The following MKLN1 variants were observed in gnomAD, a reference collection of about 807,000 sequenced individuals.
MKLN1 encodes muskelin 1.
Under a neutral mutation model 99.0 loss-of-function variants are expected in MKLN1, and 18 were observed. The observed-to-expected ratio is 0.18, with a 90% CI of 0.13 to 0.27. The LOEUF (loss-of-function observed/expected upper bound fraction) is 0.27. Ranked by LOEUF, MKLN1 falls within the 10% of genes least tolerant of loss-of-function variation. The probability of loss-of-function intolerance (pLI) is 1.00; values close to 1 mark genes in which losing one functional copy is unlikely to be tolerated. For synonymous variants in MKLN1, 288 were observed against 293.2 expected (o/e 0.98, Z 0.18); for missense variants, 621 against 875.9 (o/e 0.71, Z 3.67).
chr7:131,429,742 C>T (rs775578152), intron 9 of MKLN1, among the ~76,000 whole-genome samples: 10 of 152,146 alleles, frequency 6.6e-5, no homozygotes, highest in Admixed American at 1.3e-4. Context: ...CCACGCCCAG[C>T]GAATTTTTTT....
chr7:131,455,619 GTTAAGGT>G (rs1354066531), intron 12 of MKLN1, among the ~76,000 whole-genome samples: 1 of 152,108 alleles, frequency 6.6e-6, no homozygotes, highest in Non-Finnish European at 1.5e-5. Flanking sequence ...TTCTAAACTG[GTTAAGGT>G]TAAAGACTGG....
intron 2 of MKLN1, among the ~76,000 whole-genome samples, chr7:131,170,551 T>C (rs756354892): frequency 7.9e-5 from 12 of 152,244 alleles, no homozygotes; most frequent in Non-Finnish European, 1.6e-4. Flanking sequence ...TTTAAAAGTC[T>C]GAAACATCTG....
intron 2 of MKLN1, among the ~76,000 whole-genome samples, chr7:131,145,058 T>C (rs1268222147): frequency 6.6e-6 from 1 of 152,280 alleles, no homozygotes; most frequent in African/African-American, 2.4e-5. Flanking sequence ...AGGGATCTAA[T>C]GAAAATCTGC....
intron 1 of MKLN1, among the ~76,000 whole-genome samples, chr7:131,372,999 A>G (rs1039174622): frequency 6.6e-6 from 1 of 151,540 alleles, no homozygotes; most frequent in African/African-American, 2.4e-5. Flanking sequence ...ATAATGGTTT[A>G]TACATAGAAA....
At chr7:131,300,309 G>T (rs1229639799) in intron 3 of MKLN1, among the ~76,000 whole-genome samples, 1 of 151,418 alleles carries the variant, frequency 6.6e-6, no homozygotes, top group Non-Finnish European at 1.5e-5. Context: ...AGAGGAAGGG[G>T]AAGAGAAAAA....
chr7:131,287,439 G>A (rs2116591929), intron 3 of MKLN1, among the ~76,000 whole-genome samples: 1 of 152,242 alleles, frequency 6.6e-6, no homozygotes, highest in Non-Finnish European at 1.5e-5. Flanking sequence ...CTTGGCTTGT[G>A]GCCACTCCTC....
At chr7:131,335,681 T>C (rs2116707815) in intron 1 of MKLN1, among the ~76,000 whole-genome samples, 1 of 143,114 alleles carries the variant, frequency 7.0e-6, no homozygotes, top group East Asian at 2.0e-4. Context: ...TTTGGCTTAT[T>C]CTTTGACCTG....
In MKLN1 at chr7:131,140,782, T is replaced by TG. The variant is rs532130637; in HGVS notation, c.-418-2038_-418-2037insG. ...TGAACTAACACACCATCCTTTTTTT[T>TG]TTTGTTTTGTTTTCTGAGACAGAGT... On this transcript the variant is annotated intron_variant, in intron 1 of 7. Coordinates refer to the MKLN1 transcript ENST00000416992. Among the ~76,000 whole-genome samples, 46 of 148,962 alleles carry TG rather than the reference T, an allele frequency of 3.1e-4. 1 individual carries two copies. The highest frequency in any genetic ancestry group is 2.6e-3 in the East Asian group (10 of 3,864).
intron 3 of MKLN1, among the ~76,000 whole-genome samples, chr7:131,211,936 T>C (rs1335293702): frequency 1.3e-5 from 2 of 152,196 alleles, no homozygotes; most frequent in African/African-American, 4.8e-5. Context: ...GAGTATTGAA[T>C]GGTCTTACAG....
At chr7:131,416,263 A>G (rs1795012188) in intron 8 of MKLN1, among the ~76,000 whole-genome samples, 1 of 152,238 alleles carries the variant, frequency 6.6e-6, no homozygotes, top group Admixed American at 6.5e-5. Flanking sequence ...AGGCAGAAGG[A>G]ATTTTCATAG....
intron 8 of MKLN1, among the ~76,000 whole-genome samples, chr7:131,415,862 A>C (rs1795002664): frequency 6.6e-6 from 1 of 152,200 alleles, no homozygotes; most frequent in Non-Finnish European, 1.5e-5. Flanking sequence ...TCTACACAGT[A>C]GCTTCCCCTT....
intron 2 of MKLN1, among the ~76,000 whole-genome samples, chr7:131,153,032 TA>T (rs200858887): frequency 2.7e-4 from 38 of 141,606 alleles, no homozygotes; most frequent in African/African-American, 8.2e-4. Context: ...TATATATATA[TA>T]TTTTTTTTTT....
At chr7:131,289,574 A>C (rs1425814606) in intron 3 of MKLN1, among the ~76,000 whole-genome samples, 4 of 152,234 alleles carry the variant, frequency 2.6e-5, no homozygotes, top group Non-Finnish European at 5.9e-5. Context: ...GCAGCACAGC[A>C]TACTTTAGTG....
intron 1 of MKLN1, among the ~76,000 whole-genome samples, chr7:131,361,020 T>C (rs1221874332): frequency 6.6e-6 from 1 of 152,110 alleles, no homozygotes; most frequent in Non-Finnish European, 1.5e-5. Flanking sequence ...TCCAATGTAA[T>C]TCTTCTCCTT....
chr7:131,328,584 G>A (rs1798968093), intron 1 of MKLN1, among the ~76,000 whole-genome samples: 1 of 152,174 alleles, frequency 6.6e-6, no homozygotes, highest in African/African-American at 2.4e-5. Flanking sequence ...ATTGGCAGAC[G>A]TTGTCTTTAA....
intron 3 of MKLN1, among the ~76,000 whole-genome samples, chr7:131,257,407 A>G (rs201929621): frequency 1.3e-5 from 2 of 152,252 alleles, no homozygotes; most frequent in African/African-American, 4.8e-5. Context: ...AAAATGAATG[A>G]TAATGAAAGC....
chr7:131,397,909 A>G (rs1052253171), intron 5 of MKLN1, among the ~76,000 whole-genome samples: 6 of 152,204 alleles, frequency 3.9e-5, no homozygotes, highest in African/African-American at 9.6e-5. Context: ...ATATTGTTAC[A>G]TGGTAGTTAT....
intron 1 of MKLN1, among the ~76,000 whole-genome samples, chr7:131,370,160 T>C (rs185567759): frequency 1.1e-4 from 17 of 152,318 alleles, no homozygotes; most frequent in African/African-American, 3.6e-4. Context: ...TTGTATGATA[T>C]TAGACAGGAG....
chr7:131,329,895 C>T (rs190703472), intron 1 of MKLN1, among the ~76,000 whole-genome samples: 26 of 152,312 alleles, frequency 1.7e-4, no homozygotes, highest in Non-Finnish European at 3.4e-4. Flanking sequence ...TTAATACATA[C>T]GTAACTTTCA....
Sources: gnomAD v4.1 joint callset for allele counts (sites outside exome capture counted in the v4.1 genomes callset) on GRCh38, gnomAD v4.1.1 for gene constraint, MANE v1.5 for transcripts, NCBI Gene and HGNC (gene_info 2026-07-23, HGNC 2026-07-21) for gene names.